Variants in MAP4K5 observed in about 807,000 individuals in gnomAD.
MAP4K5 encodes the protein MAPK/ERK kinase kinase kinase 5.
A neutral mutation model predicts 135.6 loss-of-function variants in MAP4K5; 82 were observed. That is an observed-to-expected ratio of 0.60 (90% CI 0.51 to 0.73). The LOEUF is 0.73. MAP4K5 is among the 30% of genes least tolerant of loss of function. The pLI is 0.00. For synonymous variants in MAP4K5, 347 were observed against 335.0 expected (o/e 1.04, Z -0.39); for missense variants, 907 against 1,010.9 (o/e 0.90, Z 1.39).
chr14:50,497,375 C>T (rs944446972), intron 3 of MAP4K5, among the ~76,000 whole-genome samples: 2 of 152,158 alleles, frequency 1.3e-5, no homozygotes, highest in African/African-American at 2.4e-5. Context: ...TCCATTAATT[C>T]AGACTTGAAC....
At chr14:50,469,265 C>A (rs917198047) in intron 9 of MAP4K5, among the ~76,000 whole-genome samples, 1 of 152,126 alleles carries the variant, frequency 6.6e-6, no homozygotes, top group Non-Finnish European at 1.5e-5. Flanking sequence ...TTGCTGGCTA[C>A]CAGTCTGTGA....
chr14:50,493,920 G>A (rs2037538778), intron 3 of MAP4K5, among the ~76,000 whole-genome samples: 1 of 151,502 alleles, frequency 6.6e-6, no homozygotes, highest in African/African-American at 2.4e-5. Flanking sequence ...TCCGGGAGGT[G>A]GAGGTTGCAG....
chr14:50,514,129 G>A (rs60953040), intron 2 of MAP4K5, among the ~76,000 whole-genome samples: 6,175 of 152,210 alleles, frequency 0.041, 397 homozygotes, highest in African/African-American at 0.14. Flanking sequence ...CCAGGCTGGA[G>A]CACAGTGGTG....
At chr14:50,427,789 G>A (rs1341940905) in intron 30 of MAP4K5, among the ~76,000 whole-genome samples, 2 of 152,086 alleles carry the variant, frequency 1.3e-5, no homozygotes, top group East Asian at 1.9e-4. Flanking sequence ...GTATTAGAGA[G>A]TAAAACATTC....
rs143908739 is a variant in MAP4K5, at chr14:50,524,153, C to A, written c.108+7789G>T. Among the ~76,000 whole-genome samples, 8 of 152,228 alleles carry A rather than the reference C, an allele frequency of 5.3e-5. No individual in the cohort carries two copies. The East Asian group carries it at 1.5e-3, about 29-fold the overall frequency. On this transcript the variant is annotated intron_variant, in intron 2 of 32. Coordinates refer to ENST00000682126, the MANE Select transcript of MAP4K5 (RefSeq NM_006575.6). ...AATCGTCTTAGACACTTGGGTGATA[C>A]GACAAACTTAAAGAATGGTAACTGA...
At chr14:50,466,921 T>C (rs907721662) in intron 10 of MAP4K5, among the ~76,000 whole-genome samples, 1 of 152,190 alleles carries the variant, frequency 6.6e-6, no homozygotes, top group Non-Finnish European at 1.5e-5. Context: ...CTGTTACATA[T>C]GTAACTAGTA....
chr14:50,502,735 A>G (rs372103499), intron 3 of MAP4K5, among the ~76,000 whole-genome samples: 1 of 152,124 alleles, frequency 6.6e-6, no homozygotes, highest in South Asian at 2.1e-4. Context: ...AGGAATAGAA[A>G]AAAGAAAGTC....
At chr14:50,500,525 T>C (rs2037686145) in intron 3 of MAP4K5, among the ~76,000 whole-genome samples, 1 of 152,204 alleles carries the variant, frequency 6.6e-6, no homozygotes, top group South Asian at 2.1e-4. Flanking sequence ...ACAGATCATG[T>C]AGGGTTTTAT....
intron 1 of MAP4K5, among the ~76,000 whole-genome samples, chr14:50,553,551 T>G (rs1057270883): frequency 6.6e-6 from 1 of 152,106 alleles, no homozygotes; most frequent in African/African-American, 2.4e-5. Flanking sequence ...GGATACCCCT[T>G]AAAGAACTAA....
chr14:50,537,336 A>T (rs867538043), upstream of MAP4K5, among the ~76,000 whole-genome samples: 4 of 152,216 alleles, frequency 2.6e-5, no homozygotes, highest in Admixed American at 1.3e-4. Context: ...ATTTCAGATG[A>T]TGTATGGAAA....
chr14:50,484,332 T>G (rs2037317375), intron 5 of MAP4K5, among the ~76,000 whole-genome samples: 2 of 152,306 alleles, frequency 1.3e-5, no homozygotes, highest in South Asian at 4.1e-4. Flanking sequence ...ATGGATTATT[T>G]GTTGTGACAA....
intron 2 of MAP4K5, among the ~76,000 whole-genome samples, chr14:50,523,908 C>G (rs1156462761): frequency 6.6e-6 from 1 of 152,170 alleles, no homozygotes; most frequent in African/African-American, 2.4e-5. Flanking sequence ...CATTAACATG[C>G]CTCACTCTAA....
chr14:50,520,769 C>T (rs900104845), intron 2 of MAP4K5, among the ~76,000 whole-genome samples: 2 of 151,482 alleles, frequency 1.3e-5, no homozygotes, highest in Non-Finnish European at 2.9e-5. Flanking sequence ...AAAACGGGAC[C>T]GTTTCTGGTT....
intron 3 of MAP4K5, among the ~76,000 whole-genome samples, chr14:50,493,629 A>G (rs1189246953): frequency 9.2e-5 from 14 of 152,220 alleles, no homozygotes; most frequent in Admixed American, 9.2e-4. Context: ...AAATCAAAAC[A>G]GAAAAATCAG....
intron 30 of MAP4K5, 119 bp downstream of exon 30, chr14:50,428,543 A>C (rs1188244597): frequency 1.3e-5 from 8 of 599,930 alleles, no homozygotes; most frequent in Non-Finnish European, 2.2e-5. Context: ...GGCGTAGAAC[A>C]TTTCTATCTT....
rs1378532115 is a variant in MAP4K5, at chr14:50,441,785, CACACACACACACAT to C, written c.1564+933_1564+946del. Among the ~76,000 whole-genome samples, 268 of 99,072 alleles carry C rather than the reference CACACACACACACAT, an allele frequency of 2.7e-3. 1 individual carries two copies. The highest frequency in any genetic ancestry group is 3.0e-3 in the African/African-American group (72 of 24,114). The allele number at this position is 99,072 out of a possible 152,430, so 65.0% of individuals were successfully genotyped here. On this transcript the variant is annotated intron_variant, in intron 21 of 32. Transcript: ENST00000682126. ...ACACACACACACACACACACACACACACACACACACACATATATATACCCCCTCTGTCATACTTT... is the reference window on the plus strand; with the variant it reads ...ACACACACACACACACACACACACACATATATACCCCCTCTGTCATACTTT...
intron 1 of MAP4K5, among the ~76,000 whole-genome samples, chr14:50,551,853 G>A (rs1255269731): frequency 6.6e-6 from 1 of 152,014 alleles, no homozygotes; most frequent in Non-Finnish European, 1.5e-5. Context: ...TCATAGATGG[G>A]ACATACCTCA....
chr14:50,497,025 T>C (rs1231112078), intron 3 of MAP4K5, among the ~76,000 whole-genome samples: 1 of 152,174 alleles, frequency 6.6e-6, no homozygotes, highest in Non-Finnish European at 1.5e-5. Flanking sequence ...ATGTTAAAGA[T>C]AGTTATCAAA....
chr14:50,507,387 C>T (rs1044878525), intron 2 of MAP4K5, among the ~76,000 whole-genome samples: 4 of 152,140 alleles, frequency 2.6e-5, no homozygotes, highest in Non-Finnish European at 5.9e-5. Flanking sequence ...TTCTTGCCTT[C>T]TGCTAGCTTT....
Sources: allele counts gnomAD v4.1 joint callset (sites outside exome capture counted in the v4.1 genomes callset), GRCh38; gene constraint gnomAD v4.1.1; transcripts MANE v1.5; gene names NCBI Gene and HGNC (gene_info 2026-07-23, HGNC 2026-07-21).